CADPS2: variants seen among roughly 807,000 people sequenced by gnomAD.
CADPS2 encodes the protein calcium-dependent secretion activator 2.
In CADPS2, 93 loss-of-function variants were observed where a neutral mutation model predicts 172.5. That is an observed-to-expected ratio of 0.54 (90% CI 0.46 to 0.64). The LOEUF (loss-of-function observed/expected upper bound fraction) is 0.64. CADPS2 is among the 30% of genes least tolerant of loss of function. CADPS2 has a pLI of 0.00. For synonymous variants in CADPS2, 546 were observed against 555.2 expected (o/e 0.98, Z 0.23); for missense variants, 1,420 against 1,565.9 (o/e 0.91, Z 1.57).
chr7:122,490,742 T>C (rs2058208279), intron 10 of CADPS2, among the ~76,000 whole-genome samples: 1 of 152,264 alleles, frequency 6.6e-6, no homozygotes, highest in Non-Finnish European at 1.5e-5. Context: ...AGTGAACAAT[T>C]AGTTAATATA....
intron 4 of CADPS2, among the ~76,000 whole-genome samples, chr7:122,628,069 A>C (rs926791178): frequency 6.6e-6 from 1 of 152,136 alleles, no homozygotes; most frequent in Non-Finnish European, 1.5e-5. Flanking sequence ...ATCTTCATTC[A>C]TCTAGAGATT....
At chr7:122,607,006 C>G (rs1277574672) in intron 6 of CADPS2, among the ~76,000 whole-genome samples, 1 of 151,920 alleles carries the variant, frequency 6.6e-6, no homozygotes, top group Non-Finnish European at 1.5e-5. Context: ...CCTGATATGA[C>G]AAACGGCATT....
intron 9 of CADPS2, among the ~76,000 whole-genome samples, chr7:122,511,192 T>C (rs1032401133): frequency 2.7e-4 from 41 of 152,246 alleles, no homozygotes; most frequent in African/African-American, 9.4e-4. Flanking sequence ...TGTTTGTTAC[T>C]GAGAAAACAC....
chr7:122,431,443 G>C (rs1423022158), intron 17 of CADPS2, among the ~76,000 whole-genome samples: 1 of 152,012 alleles, frequency 6.6e-6, no homozygotes, highest in Non-Finnish European at 1.5e-5. Flanking sequence ...TGGACTGGGG[G>C]TAAGTTTTGC....
intron 2 of CADPS2, among the ~76,000 whole-genome samples, chr7:122,674,647 T>C (rs1225719725): frequency 1.3e-5 from 2 of 152,270 alleles, no homozygotes; most frequent in Admixed American, 6.5e-5. Flanking sequence ...GAAGCCCTTA[T>C]TGTTCACACA....
chr7:122,351,319 G>GCCAAGATT (rs936195648), intron 27 of CADPS2, among the ~76,000 whole-genome samples: 1 of 126,666 alleles, frequency 7.9e-6, no homozygotes, highest in African/African-American at 3.0e-5. Flanking sequence ...CTTGCAGTGA[G>GCCAAGATT]CCAAGATTGC....
At chr7:122,726,829 A>G (rs2091153173) in intron 2 of CADPS2, among the ~76,000 whole-genome samples, 1 of 151,374 alleles carries the variant, frequency 6.6e-6, no homozygotes, top group South Asian at 2.1e-4. Flanking sequence ...AATGAGGTGG[A>G]TAACTAACTA....
chr7:122,731,500 C>A (rs1244057738), intron 2 of CADPS2, among the ~76,000 whole-genome samples: 1 of 151,692 alleles, frequency 6.6e-6, no homozygotes, highest in African/African-American at 2.4e-5. Context: ...TAACAAATTG[C>A]AATCAACCTA....
intron 2 of CADPS2, among the ~76,000 whole-genome samples, chr7:122,723,463 CA>C (rs2090715741): frequency 1.3e-5 from 2 of 152,146 alleles, no homozygotes; most frequent in Non-Finnish European, 2.9e-5. Context: ...AAATGCAAAT[CA>C]AAACCACAAT....
chr7:122,618,633 C>A (rs1183966355), intron 5 of CADPS2, among the ~76,000 whole-genome samples: 1 of 152,146 alleles, frequency 6.6e-6, no homozygotes, highest in African/African-American at 2.4e-5. Flanking sequence ...CACTTCTAAG[C>A]CTGACTAATG....
intron 1 of CADPS2, chr7:122,849,818 A>G (rs1813035609): frequency 3.7e-6 from 2 of 545,446 alleles, no homozygotes; most frequent in East Asian, 4.7e-5. Context: ...CCTCAGCACC[A>G]TCAACTATGA....
At chr7:122,401,255 T>A (rs1161396900) in intron 20 of CADPS2, among the ~76,000 whole-genome samples, 3 of 152,172 alleles carry the variant, frequency 2.0e-5, no homozygotes, top group African/African-American at 7.2e-5. Context: ...GTGACATTGA[T>A]TATATAAGCA....
intron 1 of CADPS2, among the ~76,000 whole-genome samples, chr7:122,763,287 C>T (rs1473442918): frequency 6.6e-6 from 1 of 152,028 alleles, no homozygotes; most frequent in Non-Finnish European, 1.5e-5. Flanking sequence ...GAATACAAGT[C>T]TATGAAACTA....
intron 1 of CADPS2, among the ~76,000 whole-genome samples, chr7:122,832,152 G>A (rs1336877393): frequency 1.3e-5 from 2 of 152,076 alleles, no homozygotes; most frequent in Non-Finnish European, 2.9e-5. Flanking sequence ...GTCTCATGGT[G>A]AACAAACATT....
chr7:122,492,128 C>T lies in CADPS2; in HGVS notation c.1543-708G>A, dbSNP rs927788447. ...CTGAGGTTGTAGTGAGACGAGATCG[C>T]GCCATTGCACCCCAGCCTGGACGAC... is the stretch of plus-strand genomic sequence containing the variant. On this transcript the variant is annotated intron_variant, in intron 9 of 29. Coordinates refer to ENST00000449022, the MANE Select transcript of CADPS2 (RefSeq NM_017954.11). Among the ~76,000 whole-genome samples the T allele has an allele frequency of 7.9e-5, 12 of 151,790 alleles. No homozygotes were observed. In the South Asian group the frequency reaches 1.7e-3, roughly 21 times the overall value.
intron 8 of CADPS2, among the ~76,000 whole-genome samples, chr7:122,516,875 C>T (rs1055512850): frequency 1.5e-4 from 23 of 151,990 alleles, no homozygotes; most frequent in Non-Finnish European, 3.1e-4. Context: ...TCTATATTGG[C>T]CATGTCTTCC....
At chr7:122,679,795 C>T (rs1431233573) in intron 2 of CADPS2, among the ~76,000 whole-genome samples, 2 of 152,190 alleles carry the variant, frequency 1.3e-5, no homozygotes, top group Non-Finnish European at 1.5e-5. Context: ...AAAGGACCCA[C>T]ATTGAAATAT....
intron 20 of CADPS2, among the ~76,000 whole-genome samples, chr7:122,396,214 A>C (rs2045104538): frequency 6.6e-6 from 1 of 152,132 alleles, no homozygotes. Context: ...TTTGATAGAA[A>C]AACTCCTTGT....
chr7:122,435,004 T>A (rs149650497), intron 17 of CADPS2, among the ~76,000 whole-genome samples: 238 of 152,332 alleles, frequency 1.6e-3, no homozygotes, highest in African/African-American at 5.5e-3. Context: ...GTTTTTTGCT[T>A]TAAATTTGTA....
Sources: gnomAD v4.1 joint callset for allele counts (sites outside exome capture counted in the v4.1 genomes callset) on GRCh38, gnomAD v4.1.1 for gene constraint, MANE v1.5 for transcripts, NCBI Gene and HGNC (gene_info 2026-07-23, HGNC 2026-07-21) for gene names.